The following KCNMB2 variants were observed in gnomAD, a reference collection of about 807,000 sequenced individuals.
KCNMB2 encodes the protein calcium-activated potassium channel subunit beta-2.
KCNMB2 carries 9 observed loss-of-function variants against 24.5 expected under a neutral mutation model. That is an observed-to-expected ratio of 0.37 (90% CI 0.22 to 0.64). The LOEUF is 0.64. KCNMB2 is among the 30% of genes least tolerant of loss of function. The pLI, the probability that KCNMB2 is intolerant of heterozygous loss-of-function variation, is 0.63. For synonymous variants in KCNMB2, 109 were observed against 104.4 expected, an observed-to-expected ratio of 1.04 and a Z score of -0.27; for missense variants, 226 against 284.3, an observed-to-expected ratio of 0.79 and a Z score of 1.47.
intron 1 of KCNMB2, among the ~76,000 whole-genome samples, chr3:178,662,865 A>T (rs1344498387): frequency 6.6e-6 from 1 of 152,154 alleles, no homozygotes; most frequent in Non-Finnish European, 1.5e-5. Context: ...TTTGCACGTG[A>T]TAAAACAGGC....
At chr3:178,550,097 A>C (rs1043909667) in intron 1 of KCNMB2, among the ~76,000 whole-genome samples, 1 of 152,104 alleles carries the variant, frequency 6.6e-6, no homozygotes, top group African/African-American at 2.4e-5. Context: ...TTCTTACTTT[A>C]ATCTTCAGAC....
chr3:178,724,697 G>A (rs1722910670), intron 1 of KCNMB2, among the ~76,000 whole-genome samples: 1 of 152,006 alleles, frequency 6.6e-6, no homozygotes, highest in African/African-American at 2.4e-5. Flanking sequence ...GAGAGGTAGG[G>A]GTCCAGTTTC....
rs563308231 is a variant in KCNMB2, at chr3:178,721,114, C to T, written c.-67-86229C>T. Among the ~76,000 whole-genome samples the T allele has an allele frequency of 1.6e-4, 25 of 152,290 alleles. No individual in the cohort carries two copies. The South Asian group carries it at 3.3e-3, about 20-fold the overall frequency. Reference sequence around the variant, plus strand: ...GGGGTTTTTATGGTTTTAGGTCTAACGTTTAAGTCTTTAATCTACCTTGAA... The same window carrying T: ...GGGGTTTTTATGGTTTTAGGTCTAATGTTTAAGTCTTTAATCTACCTTGAA... On this transcript the variant is annotated intron_variant, in intron 1 of 4. Coordinates refer to ENST00000452583, the MANE Select transcript of KCNMB2 (RefSeq NM_181361.3).
intron 1 of KCNMB2, among the ~76,000 whole-genome samples, chr3:178,573,761 A>T (rs1447505847): frequency 6.6e-6 from 1 of 151,594 alleles, no homozygotes; most frequent in Non-Finnish European, 1.5e-5. Flanking sequence ...AAAAAAAAAA[A>T]AAAAAAAAGG....
In KCNMB2 at chr3:178,782,757, T is replaced by C. The variant is rs1214367673; in HGVS notation, c.-67-24586T>C. 2.6e-5 allele frequency among the ~76,000 whole-genome samples: 4 copies of C among 151,584 alleles called. No homozygotes were observed. The East Asian group carries it at 7.7e-4, about 29-fold the overall frequency. Reference sequence around the variant, plus strand: ...TTTGTAGTTTGCCTGTTCACTCTGATGGTAGTTTCTTTTGCTGTGCAGAAG... The same window carrying C: ...TTTGTAGTTTGCCTGTTCACTCTGACGGTAGTTTCTTTTGCTGTGCAGAAG... On this transcript the variant is annotated intron_variant, in intron 1 of 4. Coordinates refer to ENST00000452583, the MANE Select transcript of KCNMB2 (RefSeq NM_181361.3).
At chr3:178,642,510 C>T (rs6443554) in intron 1 of KCNMB2, among the ~76,000 whole-genome samples, 104,392 of 152,080 alleles carry the variant, frequency 0.69, 36,349 homozygotes, top group African/African-American at 0.82. Flanking sequence ...ATGTATGAAG[C>T]TACCTTTTAT....
intron 2 of KCNMB2, among the ~76,000 whole-genome samples, chr3:178,813,269 C>T (rs7620211): frequency 0.027 from 4,108 of 152,088 alleles, 198 homozygotes; most frequent in African/African-American, 0.093. Flanking sequence ...CTCCACATCC[C>T]GGAATATAAT....
intron 1 of KCNMB2, among the ~76,000 whole-genome samples, chr3:178,548,529 C>T (rs1338198258): frequency 6.6e-6 from 1 of 152,190 alleles, no homozygotes; most frequent in East Asian, 1.9e-4. Context: ...ATATCTCAAG[C>T]ATGCCTATCA....
intron 1 of KCNMB2, among the ~76,000 whole-genome samples, chr3:178,768,420 CTATACATGATAAATATT>C (rs1439224202): frequency 6.6e-5 from 10 of 152,166 alleles, no homozygotes; most frequent in African/African-American, 1.9e-4. Flanking sequence ...CAAGTGAAGA[CTATACATGATAAATATT>C]TATACATGAT....
rs138029805 is a variant in KCNMB2 at position 178,710,232 on chromosome 3, G to A, written c.-67-97111G>A. ...ACTAAATGGCACCCTCAAGCCACTG[G>A]AGTCAAGCAGGGGCTCACTTCAGCT... On this transcript the variant is annotated intron_variant, in intron 1 of 4. Transcript: ENST00000452583. Among the ~76,000 whole-genome samples the A allele has an allele frequency of 4.6e-5, 7 of 152,246 alleles. No homozygotes were observed. The East Asian group carries it at 1.3e-3, about 29-fold the overall frequency.
At chr3:178,798,320 G>C (rs1272673683) in intron 1 of KCNMB2, among the ~76,000 whole-genome samples, 1 of 152,046 alleles carries the variant, frequency 6.6e-6, no homozygotes, top group East Asian at 1.9e-4. Flanking sequence ...TCAATACCTA[G>C]TTTATTAAGA....
At chr3:178,686,043 TGTGA>T (rs911503716) in intron 1 of KCNMB2, among the ~76,000 whole-genome samples, 7 of 151,814 alleles carry the variant, frequency 4.6e-5, no homozygotes, top group African/African-American at 9.7e-5. Context: ...ATTGTGTGTG[TGTGA>T]GAGAGAGAGA....
At chr3:178,723,843 T>C (rs865894776) in intron 1 of KCNMB2, among the ~76,000 whole-genome samples, 1 of 152,228 alleles carries the variant, frequency 6.6e-6, no homozygotes, top group Non-Finnish European at 1.5e-5. Flanking sequence ...GGTTGCATAG[T>C]ATTCCATGGT....
intron 1 of KCNMB2, among the ~76,000 whole-genome samples, chr3:178,750,895 C>A (rs1723823342): frequency 2.0e-5 from 3 of 152,172 alleles, no homozygotes; most frequent in Admixed American, 6.5e-5. Flanking sequence ...TGCTCATGTT[C>A]TTTTAAATTC....
intron 1 of KCNMB2, among the ~76,000 whole-genome samples, chr3:178,553,539 T>TC (rs1233271151): frequency 7.0e-6 from 1 of 141,976 alleles, no homozygotes; most frequent in East Asian, 2.0e-4. Context: ...AGAGATTCCT[T>TC]TTTTTTTTTT....
intron 1 of KCNMB2, among the ~76,000 whole-genome samples, chr3:178,758,583 T>TATATATCCAAGAGGAG (rs1344133382): frequency 1.5e-5 from 1 of 65,140 alleles, no homozygotes; most frequent in East Asian, 4.7e-4. Flanking sequence ...TATATATATA[T>TATATATCCAAGAGGAG]ATCCAAGAGG....
At chr3:178,733,740 A>G (rs982820176) in intron 1 of KCNMB2, among the ~76,000 whole-genome samples, 32 of 152,168 alleles carry the variant, frequency 2.1e-4, no homozygotes, top group African/African-American at 7.5e-4. Context: ...CGGCCCCCCA[A>G]AGTGCTGGGA....
intron 1 of KCNMB2, among the ~76,000 whole-genome samples, chr3:178,564,167 A>G (rs998134511): frequency 2.6e-5 from 4 of 152,036 alleles, no homozygotes; most frequent in Non-Finnish European, 4.4e-5. Flanking sequence ...CATCCCAGCT[A>G]CTCAAGAGGC....
At chr3:178,551,844 T>C (rs1473009198) in intron 1 of KCNMB2, among the ~76,000 whole-genome samples, 1 of 152,158 alleles carries the variant, frequency 6.6e-6, no homozygotes, top group Non-Finnish European at 1.5e-5. Flanking sequence ...GCAAAGCCAA[T>C]ATTCAAGCTG....
Sources: allele counts gnomAD v4.1 joint callset (sites outside exome capture counted in the v4.1 genomes callset), GRCh38; gene constraint gnomAD v4.1.1; transcripts MANE v1.5; gene names NCBI Gene and HGNC (gene_info 2026-07-23, HGNC 2026-07-21).